The following ASIC2 variants were observed in gnomAD, a reference collection of about 807,000 sequenced individuals.
ASIC2 encodes acid sensing ion channel subunit 2.
Under a neutral mutation model 57.3 loss-of-function variants are expected in ASIC2, and 25 were observed. The ratio of observed to expected loss-of-function variants is 0.44; its 90% CI spans 0.32 to 0.61. The LOEUF (loss-of-function observed/expected upper bound fraction) is 0.61, where lower values mean the gene tolerates loss of function less well. Ranked by LOEUF, ASIC2 falls within the 20% of genes least tolerant of loss-of-function variation. The pLI is 0.06. For synonymous variants in ASIC2, 319 were observed against 307.5 expected, an observed-to-expected ratio of 1.04 and a Z score of -0.39; for missense variants, 641 against 738.1, an observed-to-expected ratio of 0.87 and a Z score of 1.52.
At chr17:33,919,693 G>A (rs1421991113) in intron 1 of ASIC2, among the ~76,000 whole-genome samples, 1 of 152,112 alleles carries the variant, frequency 6.6e-6, no homozygotes, top group Admixed American at 6.5e-5. Flanking sequence ...AAACTAAATC[G>A]CTCTGCACAG....
intron 1 of ASIC2, among the ~76,000 whole-genome samples, chr17:33,551,323 A>T (rs1292504363): frequency 6.6e-6 from 1 of 151,962 alleles, no homozygotes; most frequent in Non-Finnish European, 1.5e-5. Flanking sequence ...GGAGGGCTAG[A>T]TGAGGTTGCA....
At chr17:33,755,521 G>C (rs1016239321) in intron 1 of ASIC2, among the ~76,000 whole-genome samples, 2 of 152,192 alleles carry the variant, frequency 1.3e-5, no homozygotes, top group African/African-American at 4.8e-5. Context: ...ATGCTAAGCA[G>C]AAACCTGCTC....
chr17:33,454,356 C>CTGTT (rs1912376586), intron 1 of ASIC2, among the ~76,000 whole-genome samples: 1 of 152,196 alleles, frequency 6.6e-6, no homozygotes, highest in African/African-American at 2.4e-5. Flanking sequence ...ACACCAAGGA[C>CTGTT]TCAACTCAGA....
intron 2 of ASIC2, among the ~76,000 whole-genome samples, chr17:33,104,873 A>G (rs569501642): frequency 2.0e-5 from 3 of 152,128 alleles, no homozygotes; most frequent in African/African-American, 7.2e-5. Flanking sequence ...GGAAGCTTAC[A>G]ACCTCTCTGG....
At chr17:33,859,539 G>C (rs1914051148) in intron 1 of ASIC2, among the ~76,000 whole-genome samples, 1 of 152,228 alleles carries the variant, frequency 6.6e-6, no homozygotes, top group Non-Finnish European at 1.5e-5. Context: ...CTTATGTGTA[G>C]AGTGAGATCC....
chr17:33,023,644 A>G (rs2091847727), intron 6 of ASIC2, among the ~76,000 whole-genome samples: 1 of 152,128 alleles, frequency 6.6e-6, no homozygotes, highest in Admixed American at 6.5e-5. Flanking sequence ...TTGTCTCTCC[A>G]TAAGACTGCA....
chr17:33,933,473 A>G (rs1915989870), intron 1 of ASIC2, among the ~76,000 whole-genome samples: 1 of 152,154 alleles, frequency 6.6e-6, no homozygotes, highest in Non-Finnish European at 1.5e-5. Flanking sequence ...AGATTCAGCC[A>G]TTTTTCAAAT....
intron 1 of ASIC2, among the ~76,000 whole-genome samples, chr17:33,177,454 A>G (rs1395301063): frequency 2.0e-5 from 3 of 152,216 alleles, no homozygotes; most frequent in Admixed American, 1.3e-4. Flanking sequence ...AGGGCTTGCC[A>G]TCAGATAAAG....
intron 1 of ASIC2, among the ~76,000 whole-genome samples, chr17:33,534,991 G>A (rs1429556063): frequency 3.3e-5 from 5 of 152,178 alleles, no homozygotes; most frequent in Non-Finnish European, 7.3e-5. Flanking sequence ...TTCCTTAGCA[G>A]CGCAGAAATC....
At chr17:34,021,833 TTTTG>T (rs1433178735) in intron 1 of ASIC2, among the ~76,000 whole-genome samples, 2 of 127,670 alleles carry the variant, frequency 1.6e-5, no homozygotes, top group Non-Finnish European at 3.1e-5. Flanking sequence ...TTGTGTTTTG[TTTTG>T]TTTTTTTTTT....
At chr17:33,162,377 C>A (rs917078539) in intron 1 of ASIC2, among the ~76,000 whole-genome samples, 2 of 152,208 alleles carry the variant, frequency 1.3e-5, no homozygotes, top group Non-Finnish European at 2.9e-5. Flanking sequence ...CACGGAACAT[C>A]TGCCCCACCC....
intron 1 of ASIC2, among the ~76,000 whole-genome samples, chr17:33,879,134 T>C (rs1433133611): frequency 2.0e-5 from 3 of 152,104 alleles, no homozygotes; most frequent in Non-Finnish European, 4.4e-5. Context: ...GAACAACCGG[T>C]ACCAGCCACT....
intron 1 of ASIC2, among the ~76,000 whole-genome samples, chr17:33,366,758 AT>A (rs1294505031): frequency 6.6e-6 from 1 of 152,186 alleles, no homozygotes; most frequent in African/African-American, 2.4e-5. Flanking sequence ...CTGTATTATA[AT>A]TTTTTTAAAA....
At chr17:33,025,889 C>G in intron 5 of ASIC2, 37 bp downstream of exon 5, 1 of 1,558,596 alleles carries the variant, frequency 6.4e-7, no homozygotes, top group Non-Finnish European at 8.7e-7. Flanking sequence ...CTCAGGCCCC[C>G]GGCCCCCATG....
chr17:33,703,143 T>C (rs531889888), intron 1 of ASIC2, among the ~76,000 whole-genome samples: 21 of 152,218 alleles, frequency 1.4e-4, no homozygotes, highest in African/African-American at 5.1e-4. Context: ...CAAAGTTCCT[T>C]TGGTTTGTTT....
intron 1 of ASIC2, among the ~76,000 whole-genome samples, chr17:33,871,401 C>T (rs1914404050): frequency 1.3e-5 from 2 of 152,236 alleles, no homozygotes; most frequent in South Asian, 4.1e-4. Context: ...GCCACACCCT[C>T]CAGCTTCTCT....
chr17:33,058,033 G>A (rs1874032048), intron 3 of ASIC2, among the ~76,000 whole-genome samples: 1 of 151,744 alleles, frequency 6.6e-6, no homozygotes, highest in African/African-American at 2.4e-5. Flanking sequence ...TATTTTCAGG[G>A]AACTACATAT....
intron 1 of ASIC2, among the ~76,000 whole-genome samples, chr17:33,878,318 G>A (rs561218926): frequency 9.2e-5 from 14 of 152,180 alleles, no homozygotes; most frequent in Non-Finnish European, 1.6e-4. Context: ...CTGAGCTAAA[G>A]GAGGAAGTTC....
chr17:33,351,326 G>A (rs763934537), intron 1 of ASIC2, among the ~76,000 whole-genome samples: 50 of 151,892 alleles, frequency 3.3e-4, no homozygotes, highest in Non-Finnish European at 4.7e-4. Flanking sequence ...TAAGCACCAT[G>A]AGCAGCCCCA....
Sources: gnomAD v4.1 joint callset for allele counts (sites outside exome capture counted in the v4.1 genomes callset) on GRCh38, gnomAD v4.1.1 for gene constraint, MANE v1.5 for transcripts, NCBI Gene and HGNC (gene_info 2026-07-23, HGNC 2026-07-21) for gene names.